EPC2: variants seen among roughly 807,000 people sequenced by gnomAD.
EPC2 encodes enhancer of polycomb homolog 2.
EPC2 carries 14 observed loss-of-function variants against 92.1 expected under a neutral mutation model. That is an observed-to-expected ratio of 0.15 (90% CI 0.10 to 0.24). The LOEUF (loss-of-function observed/expected upper bound fraction) is 0.24, where lower values mean the gene tolerates loss of function less well. Ranked by LOEUF, EPC2 falls within the 10% of genes least tolerant of loss-of-function variation. The pLI, the probability that EPC2 is intolerant of heterozygous loss-of-function variation, is 1.00. For synonymous variants in EPC2, 340 were observed against 334.7 expected (o/e 1.02, Z -0.17); for missense variants, 755 against 971.5 (o/e 0.78, Z 2.96).
At chr2:148,753,084 A>C (rs1451921309) in intron 3 of EPC2, among the ~76,000 whole-genome samples, 1 of 152,166 alleles carries the variant, frequency 6.6e-6, no homozygotes, top group Non-Finnish European at 1.5e-5. Flanking sequence ...TGTAACCCCC[A>C]TTCCATCCTG....
intron 2 of EPC2, among the ~76,000 whole-genome samples, chr2:148,734,530 A>G (rs1267399849): frequency 1.3e-5 from 2 of 152,180 alleles, no homozygotes; most frequent in Non-Finnish European, 2.9e-5. Flanking sequence ...CTTCTGGCTA[A>G]ATTAGAGGAT....
chr2:148,742,417 A>G (rs1453825313), intron 2 of EPC2, among the ~76,000 whole-genome samples: 2 of 152,192 alleles, frequency 1.3e-5, no homozygotes, highest in African/African-American at 4.8e-5. Context: ...TTATCAATCT[A>G]TCACTGAAGT....
chr2:148,688,895 GATCTTTACTAT>G (rs1344467137), intron 1 of EPC2, among the ~76,000 whole-genome samples: 45 of 152,136 alleles, frequency 3.0e-4, no homozygotes, highest in African/African-American at 9.4e-4. Context: ...AAACAAATGA[GATCTTTACTAT>G]GATGTTGCAA....
intron 1 of EPC2, among the ~76,000 whole-genome samples, chr2:148,675,506 G>C (rs1244575702): frequency 6.6e-6 from 1 of 151,942 alleles, no homozygotes; most frequent in Non-Finnish European, 1.5e-5. Flanking sequence ...TTAGATTTGA[G>C]GTATTCACAA....
chr2:148,645,194 CCCCCCTTCCCTCCT>C (rs768928525), intron 1 of EPC2, 24 bp downstream of exon 1: 20 of 1,552,436 alleles, frequency 1.3e-5, no homozygotes, highest in Non-Finnish European at 1.8e-5. Flanking sequence ...TGTTTATTAC[CCCCCCTTCCCTCCT>C]CCCCCCTCCC....
At chr2:148,735,151 C>T (rs773895889) in intron 2 of EPC2, among the ~76,000 whole-genome samples, 31 of 151,912 alleles carry the variant, frequency 2.0e-4, no homozygotes, top group Non-Finnish European at 4.0e-4. Flanking sequence ...GAGAGCTTTT[C>T]TAGGTAGGTT....
intron 2 of EPC2, among the ~76,000 whole-genome samples, chr2:148,712,242 G>A (rs535036462): frequency 6.9e-6 from 1 of 145,502 alleles, no homozygotes; most frequent in Non-Finnish European, 1.5e-5. Flanking sequence ...TGTGTGTGTG[G>A]GGGTGTGTGT....
intron 2 of EPC2, among the ~76,000 whole-genome samples, chr2:148,711,946 C>T (rs914645858): frequency 6.6e-6 from 1 of 152,068 alleles, no homozygotes; most frequent in Non-Finnish European, 1.5e-5. Flanking sequence ...TTCTCTGTTC[C>T]TTTAATCTCT....
chr2:148,648,303 AT>A (rs2105348154), intron 1 of EPC2, among the ~76,000 whole-genome samples: 2 of 152,264 alleles, frequency 1.3e-5, no homozygotes, highest in South Asian at 4.1e-4. Context: ...CAGCAAATTC[AT>A]TTCTCTGGTC....
intron 5 of EPC2, chr2:148,762,244 T>C (rs945592937): frequency 1.6e-5 from 3 of 188,980 alleles, no homozygotes; most frequent in Admixed American, 6.0e-5. Context: ...TTAAATTTTC[T>C]ATTAAATCTG....
chr2:148,732,542 G>A (rs138350010), intron 2 of EPC2, among the ~76,000 whole-genome samples: 3,824 of 152,006 alleles, frequency 0.025, 55 homozygotes, highest in East Asian at 0.032. Context: ...TACTGTGCCC[G>A]GCTAATTTTT....
At chr2:148,654,942 G>C (rs1680761278) in intron 1 of EPC2, among the ~76,000 whole-genome samples, 1 of 152,136 alleles carries the variant, frequency 6.6e-6, no homozygotes, top group Non-Finnish European at 1.5e-5. Flanking sequence ...AAGTTTTAGT[G>C]ATGAAAATCT....
chr2:148,763,232 C>G (rs991815741), intron 6 of EPC2, among the ~76,000 whole-genome samples: 2 of 152,108 alleles, frequency 1.3e-5, no homozygotes, highest in African/African-American at 4.8e-5. Context: ...TTATTGTCAT[C>G]ATCATTTCCA....
intron 2 of EPC2, among the ~76,000 whole-genome samples, chr2:148,742,291 A>G (rs1388649356): frequency 6.6e-6 from 1 of 152,364 alleles, no homozygotes; most frequent in South Asian, 2.1e-4. Flanking sequence ...ATACCAGTTT[A>G]TAATTGCCTA....
At chr2:148,723,818 T>C (rs1004188695) in intron 2 of EPC2, among the ~76,000 whole-genome samples, 2 of 152,168 alleles carry the variant, frequency 1.3e-5, no homozygotes, top group South Asian at 2.1e-4. Context: ...TTTCTTCTGA[T>C]TGAGACAATT....
chr2:148,762,082 C>T, intron 5 of EPC2, 152 bp downstream of exon 5: 1 of 635,622 alleles, frequency 1.6e-6, no homozygotes. Flanking sequence ...TTTGTGGTTA[C>T]TAGTTTTTAT....
Position 148,786,223 on chromosome 2 carries a change from A to G in EPC2, c.2352-82A>G, listed in dbSNP as rs368052111. On this transcript the variant is annotated intron_variant, in intron 13 of 13. Coordinates refer to ENST00000258484, the MANE Select transcript of EPC2 (RefSeq NM_015630.4). ...CATGTTTAGTTGTAATTATGTAACA[A>G]TGTTTTTGTAAAATACTAAATGGTA... The G allele has an allele frequency of 5.6e-5, 64 of 1,148,594 alleles. No individual in the cohort carries two copies. The South Asian group carries it at 7.8e-4, about 14-fold the overall frequency. 71.2% of individuals were successfully genotyped at this position (1,148,594 alleles called of 1,614,324 possible).
chr2:148,716,257 A>G (rs540253875), intron 2 of EPC2, among the ~76,000 whole-genome samples: 8 of 152,272 alleles, frequency 5.3e-5, no homozygotes, highest in South Asian at 2.1e-4. Flanking sequence ...TTCCAATTCT[A>G]TGTTGAATAG....
chr2:148,762,568 C>T, intron 5 of EPC2, 102 bp from the exon 6 acceptor site: 3 of 790,268 alleles, frequency 3.8e-6, no homozygotes, highest in South Asian at 2.7e-5. Context: ...ATTGTTAGCC[C>T]TTTTTGACTA....
Sources: allele counts gnomAD v4.1 joint callset (sites outside exome capture counted in the v4.1 genomes callset), GRCh38; gene constraint gnomAD v4.1.1; transcripts MANE v1.5; gene names NCBI Gene and HGNC (gene_info 2026-07-23, HGNC 2026-07-21).